KIF11: variants seen among roughly 807,000 people sequenced by gnomAD.
KIF11 encodes kinesin-like protein KIF11.
Under a neutral mutation model 121.0 loss-of-function variants are expected in KIF11, and 9 were observed. The observed-to-expected ratio is 0.07, with a 90% CI of 0.04 to 0.13. KIF11 has a LOEUF of 0.13. Ranked by LOEUF, KIF11 falls within the 10% of genes least tolerant of loss-of-function variation. The pLI is 1.00. For synonymous variants in KIF11, 408 were observed against 421.0 expected (o/e 0.97, Z 0.38); for missense variants, 846 against 1,217.5 (o/e 0.69, Z 4.54).
chr10:92,595,767 G>T (rs11817798), intron 1 of KIF11, among the ~76,000 whole-genome samples: 1 of 151,860 alleles, frequency 6.6e-6, no homozygotes, highest in Non-Finnish European at 1.5e-5. Flanking sequence ...CCTACCATTC[G>T]ACTGTCTTAT....
chr10:92,608,588 A>G (rs562088863), intron 4 of KIF11, among the ~76,000 whole-genome samples: 24 of 152,186 alleles, frequency 1.6e-4, no homozygotes, highest in African/African-American at 5.5e-4. Flanking sequence ...ACAGGTACAT[A>G]CCACCAAGTC....
At chr10:92,624,925 G>A (rs954736115) in intron 10 of KIF11, among the ~76,000 whole-genome samples, 9 of 151,510 alleles carry the variant, frequency 5.9e-5, no homozygotes, top group Non-Finnish European at 1.3e-4. Context: ...ACCCACCACC[G>A]CACCTGGCTA....
intron 9 of KIF11, among the ~76,000 whole-genome samples, chr10:92,619,991 G>A (rs1589596997): frequency 6.7e-6 from 1 of 150,320 alleles, no homozygotes. Context: ...TTAAATTCAA[G>A]TTTTGTCTTA....
chr10:92,643,175 G>A (rs1285637157), intron 17 of KIF11, among the ~76,000 whole-genome samples: 1 of 152,160 alleles, frequency 6.6e-6, no homozygotes, highest in African/African-American at 2.4e-5. Context: ...GCCTCCCAAA[G>A]TGCTGGGATT....
chr10:92,612,968 T>C (rs1844513601), intron 6 of KIF11, 72 bp from the exon 7 acceptor site: 1 of 810,370 alleles, frequency 1.2e-6, no homozygotes, highest in East Asian at 2.5e-5. Context: ...TTCTTTCCTG[T>C]TTTCAGTATT....
intron 10 of KIF11, among the ~76,000 whole-genome samples, chr10:92,625,827 A>G (rs1844670355): frequency 6.6e-6 from 1 of 152,180 alleles, no homozygotes; most frequent in African/African-American, 2.4e-5. Flanking sequence ...TCCATTCACA[A>G]TAGCCACAAA....
At chr10:92,634,018 C>A (rs966781055) in intron 14 of KIF11, among the ~76,000 whole-genome samples, 2 of 152,084 alleles carry the variant, frequency 1.3e-5, no homozygotes, top group Non-Finnish European at 2.9e-5. Flanking sequence ...GATGGAGTCT[C>A]GCTCTGTCGT....
chr10:92,649,547 T>C, intron 19 of KIF11, among the ~76,000 whole-genome samples: 1 of 152,196 alleles, frequency 6.6e-6, no homozygotes, highest in East Asian at 1.9e-4. Context: ...TTCAGAACAC[T>C]ATAACTCCTT....
At chr10:92,597,165 T>C in intron 1 of KIF11, 1 of 269,822 alleles carries the variant, frequency 3.7e-6, no homozygotes, top group South Asian at 4.7e-5. Flanking sequence ...CTTCTCCTGA[T>C]GCCAAAGGAT....
intron 16 of KIF11, among the ~76,000 whole-genome samples, 192 bp from the exon 17 acceptor site, chr10:92,639,602 A>C (rs2135920329): frequency 6.6e-6 from 1 of 152,254 alleles, no homozygotes; most frequent in Admixed American, 6.5e-5. Context: ...CTAAAAAAAA[A>C]AACAAATCCT....
rs1235955701 is a variant in KIF11, at chr10:92,593,133, T to C, written c.-243T>C. On this transcript the variant is annotated 5_prime_UTR_variant, in exon 1 of 22. Transcript: ENST00000260731. ...TTGAGGCGCCGAGTCGTTGCTTAGT[T>C]TCTGGGGATTCGGGCGGAGACGAGA... Among the ~76,000 whole-genome samples the C allele has an allele frequency of 6.6e-6, 1 of 152,204 alleles. No homozygotes were observed. Among genetic ancestry groups the C allele is most frequent in the African/African-American group, 2.4e-5 (1 of 41,464 alleles).
intron 1 of KIF11, among the ~76,000 whole-genome samples, chr10:92,594,782 C>T (rs965316830): frequency 6.6e-6 from 1 of 152,092 alleles, no homozygotes; most frequent in Admixed American, 6.6e-5. Flanking sequence ...GTATACATTT[C>T]AAGTCTTAGA....
intron 3 of KIF11, 111 bp downstream of exon 3, chr10:92,606,827 G>T: frequency 1.4e-6 from 1 of 733,106 alleles, no homozygotes. Context: ...GCCCAGGCTG[G>T]AGTGCAATGG....
intron 21 of KIF11, 46 bp downstream of exon 21, chr10:92,650,563 A>AT (rs1844970149): frequency 9.8e-7 from 1 of 1,022,950 alleles, no homozygotes; most frequent in Non-Finnish European, 1.6e-6. Context: ...TAAGTCATTC[A>AT]TTTACTATTC....
At chr10:92,602,825 CGTGTGT>C (rs3980475) in intron 1 of KIF11, among the ~76,000 whole-genome samples, 12,153 of 122,150 alleles carry the variant, frequency 0.099, 602 homozygotes, top group African/African-American at 0.16. Flanking sequence ...CACACACACA[CGTGTGT>C]GTGTGTGTGT....
intron 10 of KIF11, among the ~76,000 whole-genome samples, chr10:92,628,356 CCCTT>C (rs1228512429): frequency 3.3e-5 from 5 of 151,994 alleles, no homozygotes; most frequent in Admixed American, 6.6e-5. Context: ...CTAATCTTAC[CCCTT>C]CCTTCTAAGA....
At chr10:92,609,303 A>AGAGAGAGTGT (rs1372794402) in intron 5 of KIF11, 82 bp from the exon 6 acceptor site, 29 of 382,530 alleles carry the variant, frequency 7.6e-5, no homozygotes, top group East Asian at 9.4e-5. Flanking sequence ...AGAGAGAGAG[A>AGAGAGAGTGT]GTGTGTGTGT....
At chr10:92,634,843 C>T (rs7070990) in intron 14 of KIF11, among the ~76,000 whole-genome samples, 42,614 of 152,064 alleles carry the variant, frequency 0.28, 8,305 homozygotes, top group African/African-American at 0.55. Context: ...TATTGGGTAG[C>T]TGATTTTAAA....
chr10:92,652,266 G>T (rs534307399), intron 21 of KIF11, among the ~76,000 whole-genome samples: 47 of 151,836 alleles, frequency 3.1e-4, no homozygotes, highest in Middle Eastern at 3.4e-3. Flanking sequence ...TCATCCTCCC[G>T]AGTAGCTGGG....
Sources: gnomAD v4.1 joint callset for allele counts (sites outside exome capture counted in the v4.1 genomes callset) on GRCh38, gnomAD v4.1.1 for gene constraint, MANE v1.5 for transcripts, NCBI Gene and HGNC (gene_info 2026-07-23, HGNC 2026-07-21) for gene names.